The following ZRANB3 variants were observed in gnomAD, a reference collection of about 807,000 sequenced individuals.
ZRANB3 encodes DNA annealing helicase and endonuclease ZRANB3.
ZRANB3 carries 125 observed loss-of-function variants against 133.8 expected under a neutral mutation model. The ratio of observed to expected loss-of-function variants is 0.93; its 90% CI spans 0.81 to 1.08. ZRANB3 has a LOEUF of 1.08. ZRANB3 is among the 50% of genes least tolerant of loss of function. ZRANB3 has a pLI of 0.00. For synonymous variants in ZRANB3, 387 were observed against 432.7 expected (o/e 0.89, Z 1.31); for missense variants, 1,229 against 1,275.5 (o/e 0.96, Z 0.56).
At chr2:135,473,514 T>C (rs896592662) in intron 2 of ZRANB3, among the ~76,000 whole-genome samples, 3 of 151,564 alleles carry the variant, frequency 2.0e-5, no homozygotes, top group Non-Finnish European at 4.4e-5. Flanking sequence ...GTAATGTACA[T>C]TGCCTTTGTC....
intron 4 of ZRANB3, among the ~76,000 whole-genome samples, chr2:135,351,290 C>CA (rs1685195635): frequency 1.6e-5 from 2 of 125,288 alleles, no homozygotes. Flanking sequence ...TTTTTTGAGA[C>CA]AGAGTCTCGC....
At chr2:135,402,524 G>C (rs2104940822) in intron 2 of ZRANB3, among the ~76,000 whole-genome samples, 1 of 151,790 alleles carries the variant, frequency 6.6e-6, no homozygotes, top group South Asian at 2.1e-4. Context: ...TTGATCTCCT[G>C]ACCTCATGAT....
intron 2 of ZRANB3, among the ~76,000 whole-genome samples, chr2:135,448,579 A>G (rs1690132602): frequency 6.6e-6 from 1 of 152,210 alleles, no homozygotes; most frequent in Non-Finnish European, 1.5e-5. Context: ...CCATAAACAC[A>G]TATGAGTGGG....
chr2:135,440,355 C>T (rs188123781), intron 2 of ZRANB3, among the ~76,000 whole-genome samples: 10 of 151,800 alleles, frequency 6.6e-5, no homozygotes, highest in East Asian at 5.8e-4. Context: ...GCTGAGATTG[C>T]GCCATTGCAC....
chr2:135,286,878 T>TA (rs1202027156), intron 8 of ZRANB3, among the ~76,000 whole-genome samples: 1 of 152,220 alleles, frequency 6.6e-6, no homozygotes, highest in Non-Finnish European at 1.5e-5. Flanking sequence ...GTTGTCTGTT[T>TA]ACTCTGCTGA....
At chr2:135,461,965 TTAA>T (rs1292087533) in intron 2 of ZRANB3, among the ~76,000 whole-genome samples, 1 of 152,178 alleles carries the variant, frequency 6.6e-6, no homozygotes, top group Non-Finnish European at 1.5e-5. Flanking sequence ...AAGACTAATT[TTAA>T]TAATAAGTAA....
At chr2:135,481,391 T>C (rs1285496858) in intron 2 of ZRANB3, among the ~76,000 whole-genome samples, 6 of 152,138 alleles carry the variant, frequency 3.9e-5, no homozygotes, top group South Asian at 2.1e-4. Flanking sequence ...TTTCATGTGT[T>C]TTTTGGCTAC....
intron 8 of ZRANB3, among the ~76,000 whole-genome samples, chr2:135,281,232 G>T (rs1345637695): frequency 1.3e-5 from 2 of 152,138 alleles, no homozygotes; most frequent in Non-Finnish European, 2.9e-5. Context: ...TTCTTTAACA[G>T]CTATAACTTG....
chr2:135,511,537 T>C, intron 1 of ZRANB3: 1 of 1,028,180 alleles, frequency 9.7e-7, no homozygotes, highest in Non-Finnish European at 1.5e-6. Flanking sequence ...ACCAAAGACC[T>C]CATCTTGCTA....
At chr2:135,438,719 T>C (rs1574104428) in intron 2 of ZRANB3, among the ~76,000 whole-genome samples, 1 of 152,164 alleles carries the variant, frequency 6.6e-6, no homozygotes, top group Admixed American at 6.6e-5. Context: ...CTGAAGACAT[T>C]ATCTGTTGAC....
intron 2 of ZRANB3, among the ~76,000 whole-genome samples, chr2:135,483,142 A>G (rs1217018738): frequency 6.6e-6 from 1 of 151,958 alleles, no homozygotes; most frequent in Non-Finnish European, 1.5e-5. Context: ...AAAATGAGTT[A>G]GGGAGGATTC....
At chr2:135,414,721 A>G (rs1377080852) in intron 2 of ZRANB3, among the ~76,000 whole-genome samples, 1 of 152,168 alleles carries the variant, frequency 6.6e-6, no homozygotes, top group African/African-American at 2.4e-5. Context: ...TCTCCTCAGC[A>G]AATGTAAAAG....
intron 2 of ZRANB3, among the ~76,000 whole-genome samples, chr2:135,494,085 T>C (rs1692540170): frequency 7.0e-6 from 1 of 142,970 alleles, no homozygotes; most frequent in Non-Finnish European, 1.5e-5. Flanking sequence ...GGAAGATGAA[T>C]GGATGGATAG....
intron 2 of ZRANB3, among the ~76,000 whole-genome samples, chr2:135,448,425 G>A (rs181418351): frequency 2.2e-4 from 34 of 152,284 alleles, no homozygotes; most frequent in African/African-American, 7.5e-4. Flanking sequence ...CTGGAATTCA[G>A]TCTCTTTGTA....
At chr2:135,226,664 T>C (rs1694772210) in intron 14 of ZRANB3, among the ~76,000 whole-genome samples, 1 of 152,196 alleles carries the variant, frequency 6.6e-6, no homozygotes, top group Non-Finnish European at 1.5e-5. Context: ...AACAAGCCAA[T>C]ACTTCCCTGC....
At chr2:135,275,419 G>T (rs1680759792) in intron 9 of ZRANB3, among the ~76,000 whole-genome samples, 1 of 151,868 alleles carries the variant, frequency 6.6e-6, no homozygotes, top group Non-Finnish European at 1.5e-5. Context: ...AATTTGGTCA[G>T]TGGAAAATTA....
At chr2:135,419,857 T>G (rs1190094122) in intron 2 of ZRANB3, among the ~76,000 whole-genome samples, 1 of 151,750 alleles carries the variant, frequency 6.6e-6, no homozygotes, top group African/African-American at 2.4e-5. Flanking sequence ...TTGGTGGTAG[T>G]TGTTGTTATC....
chr2:135,207,183 TA>T (rs1693902306), intron 19 of ZRANB3, among the ~76,000 whole-genome samples: 1 of 149,362 alleles, frequency 6.7e-6, no homozygotes. Flanking sequence ...AATAAATAAA[TA>T]AATAAATAAT....
rs141609395 is a variant in ZRANB3, at chr2:135,375,769, C to T, written c.180+15033G>A. On this transcript the variant is annotated intron_variant, in intron 3 of 20. Coordinates refer to ENST00000264159, the MANE Select transcript of ZRANB3 (RefSeq NM_032143.4). ...ACTTGGGAGTCTGAGGCAGGAGAAT[C>T]GCTTGAACCCCGGGAGACGGAGGTT... Among the ~76,000 whole-genome samples the T allele has an allele frequency of 6.2e-3, 937 of 150,368 alleles. 8 individuals are homozygous for T. Among genetic ancestry groups the T allele is most frequent in the South Asian group, 0.042 (199 of 4,762 alleles).
Sources: allele counts gnomAD v4.1 joint callset (sites outside exome capture counted in the v4.1 genomes callset), GRCh38; gene constraint gnomAD v4.1.1; transcripts MANE v1.5; gene names NCBI Gene and HGNC (gene_info 2026-07-23, HGNC 2026-07-21).